ANKRD30B: variants seen among roughly 807,000 people sequenced by gnomAD.
The protein encoded by ANKRD30B is ankyrin repeat domain 30B, also known as ankyrin repeat domain-containing protein 30B.
A neutral mutation model predicts 202.2 loss-of-function variants in ANKRD30B; 144 were observed. That is an observed-to-expected ratio of 0.71 (90% CI 0.62 to 0.82). ANKRD30B has a LOEUF of 0.82. Ranked by LOEUF, ANKRD30B falls within the 40% of genes least tolerant of loss-of-function variation. ANKRD30B has a pLI of 0.00. For synonymous variants in ANKRD30B, 508 were observed against 561.3 expected (o/e 0.91, Z 1.34); for missense variants, 1,487 against 1,669.1 (o/e 0.89, Z 1.90).
the ANKRD30B span, among the ~76,000 whole-genome samples, chr18:14,940,593 T>G: frequency 1.3e-5 from 2 of 152,224 alleles, no homozygotes; most frequent in Non-Finnish European, 2.9e-5. Context: ...AACTTGATGC[T>G]GCAAATGGAA....
the ANKRD30B span, among the ~76,000 whole-genome samples, chr18:14,940,158 T>C: frequency 6.6e-6 from 1 of 152,196 alleles, no homozygotes; most frequent in Non-Finnish European, 1.5e-5. Flanking sequence ...GATCTAATGT[T>C]ATGAAGCCCA....
intron 28 of ANKRD30B, among the ~76,000 whole-genome samples, chr18:14,811,579 G>C (rs1969927210): frequency 7.4e-6 from 1 of 135,280 alleles, no homozygotes; most frequent in African/African-American, 2.9e-5. Flanking sequence ...CTTTTTAAAA[G>C]TATTCTTATG....
chr18:14,923,827 G>A, the ANKRD30B span, among the ~76,000 whole-genome samples: 2 of 152,200 alleles, frequency 1.3e-5, no homozygotes, highest in African/African-American at 4.8e-5. Flanking sequence ...CTCTCTGTGT[G>A]TTGAGCTGTC....
intron 30 of ANKRD30B, among the ~76,000 whole-genome samples, chr18:14,821,317 C>G (rs1221978859): frequency 6.6e-6 from 1 of 151,850 alleles, no homozygotes; most frequent in African/African-American, 2.4e-5. Flanking sequence ...AAAACCAGCT[C>G]CTGGATTCAT....
At chr18:14,913,695 G>T in the ANKRD30B span, among the ~76,000 whole-genome samples, 2 of 152,142 alleles carry the variant, frequency 1.3e-5, no homozygotes, top group Non-Finnish European at 2.9e-5. Context: ...AACAATGACT[G>T]TAAAGAAGTC....
chr18:14,783,600 A>C (rs141748104), intron 12 of ANKRD30B, among the ~76,000 whole-genome samples: 2,461 of 152,266 alleles, frequency 0.016, 71 homozygotes, highest in African/African-American at 0.057. Context: ...TTGAATAATA[A>C]GATTGCTTTT....
At chr18:14,826,727 A>ACACACACACACACAC (rs1472785630) in intron 32 of ANKRD30B, among the ~76,000 whole-genome samples, 6 of 148,624 alleles carry the variant, frequency 4.0e-5, no homozygotes, top group East Asian at 2.0e-4. Context: ...ACACACACAC[A>ACACACACACACACAC]AGTACAGTAA....
In ANKRD30B at chr18:14,787,170, G is replaced by A. The variant is rs769788210; in HGVS notation, c.1734+70G>A. 1.3e-4 allele frequency: 189 copies of A among 1,406,224 alleles called. 1 individual carries two copies. The highest frequency in any genetic ancestry group is 1.3e-4 in the Non-Finnish European group (134 of 1,023,762). The allele number at this position is 1,406,224 out of a possible 1,614,324, so 87.1% of individuals were successfully genotyped here. A position where few individuals can be genotyped will look rare whatever the true frequency, so the allele number is the denominator to read the frequency against. ...ATGAAAACATAAAATCAGATGCTTA[G>A]ACTTTATTTTCTCACCTCTGCATAT... On this transcript the variant is annotated intron_variant, in intron 15 of 43. Coordinates refer to ENST00000690538, the MANE Select transcript of ANKRD30B (RefSeq NM_001367607.2).
intron 16 of ANKRD30B, among the ~76,000 whole-genome samples, chr18:14,795,652 T>C (rs911391937): frequency 4.6e-5 from 7 of 152,200 alleles, no homozygotes; most frequent in African/African-American, 1.7e-4. Context: ...ATTCTATAAG[T>C]AGATATTTAT....
At chr18:14,885,286 G>A in the ANKRD30B span, among the ~76,000 whole-genome samples, 1 of 152,030 alleles carries the variant, frequency 6.6e-6, no homozygotes, top group African/African-American at 2.4e-5. Context: ...ACTTTCTCAT[G>A]TATCATTCAT....
At chr18:14,761,464 AG>A (rs34330381) in intron 6 of ANKRD30B, among the ~76,000 whole-genome samples, 59,977 of 152,118 alleles carry the variant, frequency 0.39, 12,524 homozygotes, top group East Asian at 0.55. Context: ...GGGTGATCAA[AG>A]GGGAGTCTTA....
At chr18:14,856,634 A>T (rs1972116436), downstream of ANKRD30B, among the ~76,000 whole-genome samples, 1 of 118,940 alleles carries the variant, frequency 8.4e-6, no homozygotes, top group African/African-American at 3.1e-5. Context: ...GGCGCTCCTC[A>T]GTTCCCAGAT....
the ANKRD30B span, among the ~76,000 whole-genome samples, chr18:14,898,556 G>A: frequency 2.0e-5 from 3 of 152,074 alleles, no homozygotes; most frequent in East Asian, 1.9e-4. Context: ...GACTCCTGCC[G>A]CAAACTGGTA....
intron 30 of ANKRD30B, among the ~76,000 whole-genome samples, chr18:14,817,696 T>C (rs1970187698): frequency 6.6e-6 from 1 of 152,240 alleles, no homozygotes; most frequent in South Asian, 2.1e-4. Flanking sequence ...ACATTTATCA[T>C]ATTTTTACCT....
At chr18:14,879,770 G>A in the ANKRD30B span, among the ~76,000 whole-genome samples, 2 of 151,964 alleles carry the variant, frequency 1.3e-5, no homozygotes, top group East Asian at 1.9e-4. Context: ...TCAGGGGATA[G>A]GGGTCAGGGT....
At chr18:14,926,999 A>C in the ANKRD30B span, among the ~76,000 whole-genome samples, 1 of 152,014 alleles carries the variant, frequency 6.6e-6, no homozygotes, top group Admixed American at 6.6e-5. Flanking sequence ...AAATACAAGT[A>C]ATTGGTAGTA....
At chr18:14,935,675 C>T in the ANKRD30B span, among the ~76,000 whole-genome samples, 5 of 152,192 alleles carry the variant, frequency 3.3e-5, no homozygotes, top group African/African-American at 7.2e-5. Flanking sequence ...TGCTTGCATA[C>T]GTGTGTGCAT....
intron 15 of ANKRD30B, 86 bp from the exon 16 acceptor site, chr18:14,791,315 A>G: frequency 8.6e-7 from 1 of 1,159,882 alleles, no homozygotes; most frequent in Non-Finnish European, 1.2e-6. Flanking sequence ...TTGTGTTTTT[A>G]AAAAAGATTC....
At chr18:14,910,210 C>A in the ANKRD30B span, 8 of 152,066 alleles carry the variant, frequency 5.3e-5, no homozygotes, top group African/African-American at 1.9e-4. Flanking sequence ...AACCCAAAGG[C>A]TGTTTTTGTT....
Sources: gnomAD v4.1 joint callset for allele counts (sites outside exome capture counted in the v4.1 genomes callset) on GRCh38, gnomAD v4.1.1 for gene constraint, MANE v1.5 for transcripts, NCBI Gene and HGNC (gene_info 2026-07-23, HGNC 2026-07-21) for gene names.